The following DOCK9 variants were observed in gnomAD, a reference collection of about 807,000 sequenced individuals.
The protein encoded by DOCK9 is dedicator of cytokinesis protein 9.
In DOCK9, 89 loss-of-function variants were observed where a neutral mutation model predicts 263.3. That is an observed-to-expected ratio of 0.34 (90% CI 0.28 to 0.40). The LOEUF (loss-of-function observed/expected upper bound fraction) is 0.40, where lower values mean the gene tolerates loss of function less well. DOCK9 is among the 10% of genes least tolerant of loss of function. DOCK9 has a pLI of 1.00. For synonymous variants in DOCK9, 976 were observed against 973.1 expected (o/e 1.00, Z -0.06); for missense variants, 2,140 against 2,603.4 (o/e 0.82, Z 3.87).
At chr13:98,944,197 A>G (rs2056377421) in intron 2 of DOCK9, among the ~76,000 whole-genome samples, 1 of 152,320 alleles carries the variant, frequency 6.6e-6, no homozygotes. Context: ...GGGTTCATCA[A>G]TATCCTTCAT....
At chr13:99,050,713 A>T (rs2040652062) in intron 1 of DOCK9, among the ~76,000 whole-genome samples, 1 of 151,992 alleles carries the variant, frequency 6.6e-6, no homozygotes, top group African/African-American at 2.4e-5. Flanking sequence ...AAAAATAAAC[A>T]TGTCATAAGC....
chr13:98,863,066 G>A lies in DOCK9; in HGVS notation c.3532C>T (p.Arg1178Trp), dbSNP rs1185344656. ...LFGLLIENVQ[R>W]INVRDVSPFP... ...GGTGACACATCCCTCACATTGATCC[G>A]CTGGACGTTTTCAATCAGCAGACCA... Residue 1178 changes from arginine to tryptophan, a missense_variant, in exon 32 of 53, where the codon CGG (arginine) becomes TGG (tryptophan). Arg to Trp is a moderately radical substitution (Grantham distance 101). Transcript: ENST00000682017. The A allele has an allele frequency of 3.7e-6, 6 of 1,611,640 alleles. No individual in the cohort carries two copies. The highest frequency in any genetic ancestry group is 1.7e-4 in the Middle Eastern group (1 of 6,060).
rs115392412 is a variant in DOCK9 at position 98,804,023 on chromosome 13, G to A, written c.5725+976C>T. Among the ~76,000 whole-genome samples the A allele has an allele frequency of 5.7e-4, 86 of 151,140 alleles. 1 individual carries two copies. The highest frequency in any genetic ancestry group is 2.1e-3 in the African/African-American group (86 of 41,110). On this transcript the variant is annotated intron_variant, in intron 49 of 52. Coordinates refer to ENST00000682017, the MANE Select transcript of DOCK9 (RefSeq NM_001366683.2). ...CTCTTTTTAAAGCATACGCTTCGCC[G>A]GTGAGAGCTGATAAGCACCTGGGTG...
Position 98,944,553 on chromosome 13 carries a change from A to G in DOCK9, c.243+10882T>C, listed in dbSNP as rs148084381. 3.0e-3 allele frequency among the ~76,000 whole-genome samples: 456 copies of G among 152,298 alleles called. 2 individuals are homozygous for G. The highest frequency in any genetic ancestry group is 0.01 in the African/African-American group (429 of 41,572). On this transcript the variant is annotated intron_variant, in intron 2 of 52. Transcript: ENST00000682017. ...GAGTTCTCTGGCTCCTGAGGGCACC[A>G]TTACACTGTGTTCCATGTGTGTGTC...
chr13:99,044,152 T>A (rs1176774427), intron 1 of DOCK9, among the ~76,000 whole-genome samples: 1 of 152,218 alleles, frequency 6.6e-6, no homozygotes, highest in African/African-American at 2.4e-5. Flanking sequence ...CGCGACACTG[T>A]TGAATGCTCG....
intron 50 of DOCK9, among the ~76,000 whole-genome samples, chr13:98,798,179 G>T (rs2089666962): frequency 6.6e-6 from 1 of 152,214 alleles, no homozygotes; most frequent in African/African-American, 2.4e-5. Flanking sequence ...GACACACTGG[G>T]ATGGGAAGAA....
chr13:98,831,319 T>C lies in DOCK9; in HGVS notation c.4635+29A>G, dbSNP rs766220345. On this transcript the variant is annotated intron_variant, in intron 41 of 52. Coordinates refer to ENST00000682017, the MANE Select transcript of DOCK9 (RefSeq NM_001366683.2). ...ATACAGCAGGATTCTACAGAGTAAA[T>C]CTGTATTGGAAAGCTAAACCACACG... is the stretch of plus-strand genomic sequence containing the variant. The C allele has an allele frequency of 2.2e-5, 35 of 1,579,400 alleles. No homozygotes were observed. The East Asian group carries it at 7.3e-4, about 33-fold the overall frequency.
chr13:98,960,481 A>G (rs1279544845), intron 1 of DOCK9, among the ~76,000 whole-genome samples: 2 of 152,230 alleles, frequency 1.3e-5, no homozygotes, highest in Admixed American at 6.5e-5. Context: ...TAGAGGCTCA[A>G]GTCCTTATCT....
rs1303103989 is a variant in DOCK9 at position 98,918,858 on chromosome 13, C to T, written c.717+2096G>A. 3.9e-5 allele frequency among the ~76,000 whole-genome samples: 6 copies of T among 152,148 alleles called. 1 individual carries two copies. The highest frequency in any genetic ancestry group is 3.9e-4 in the Admixed American group (6 of 15,276). Reference sequence around the variant, plus strand: ...AGGAAACCCAACACAGGAAGGAAGACAGGCCGAATGTCTACATGGCAGGTG... The same window carrying T: ...AGGAAACCCAACACAGGAAGGAAGATAGGCCGAATGTCTACATGGCAGGTG... On this transcript the variant is annotated intron_variant, in intron 7 of 52. Coordinates refer to ENST00000682017, the MANE Select transcript of DOCK9 (RefSeq NM_001366683.2).
intron 33 of DOCK9, chr13:98,858,652 C>T (rs1459610383): frequency 6.6e-6 from 1 of 152,170 alleles, no homozygotes; most frequent in African/African-American, 2.4e-5. Context: ...TATAGATAAC[C>T]TGAGTATAAT....
At chr13:98,904,773 T>C in intron 9 of DOCK9, 67 bp from the exon 10 acceptor site, 18 of 1,387,536 alleles carry the variant, frequency 1.3e-5, no homozygotes, top group Non-Finnish European at 1.8e-5. Flanking sequence ...CCCAAATACA[T>C]TTAAAAGCTG....
chr13:98,829,851 G>C lies in DOCK9; in HGVS notation c.4636-95C>G, dbSNP rs1048724029. On this transcript the variant is annotated intron_variant, in intron 41 of 52. Transcript: ENST00000682017. This position sits in a 1 kb window ranked among gnomAD's most constrained non-coding sequence, Gnocchi z 4.1. ...CAGTTAGGATGTGCCTAAGGACCCA[G>C]CAAAGTGGGGGTTGGGGGGTGCTTT... 12 of 1,053,472 alleles carry C rather than the reference G, an allele frequency of 1.1e-5. No homozygotes were observed. Among genetic ancestry groups the C allele is most frequent in the Non-Finnish European group, 1.6e-5 (11 of 701,660 alleles). 65.3% of individuals were successfully genotyped at this position (1,053,472 alleles called of 1,614,324 possible).
At chr13:98,853,849 C>G (rs949559811) in intron 34 of DOCK9, among the ~76,000 whole-genome samples, 2 of 152,156 alleles carry the variant, frequency 1.3e-5, no homozygotes, top group Non-Finnish European at 2.9e-5. Context: ...AAACCTCATG[C>G]AAGAAAGTAT....
At chr13:98,803,404 T>C (rs1216381967) in intron 49 of DOCK9, among the ~76,000 whole-genome samples, 1 of 152,246 alleles carries the variant, frequency 6.6e-6, no homozygotes, top group Admixed American at 6.5e-5. Flanking sequence ...ACTAGGTTTA[T>C]TAAAGGCAGC....
intron 1 of DOCK9, among the ~76,000 whole-genome samples, chr13:99,061,085 A>C (rs781159318): frequency 2.4e-4 from 36 of 152,216 alleles, no homozygotes; most frequent in Non-Finnish European, 1.2e-4. Flanking sequence ...TTGCCTTTTA[A>C]GGATCTCTCA....
chr13:98,924,575 C>G (rs1298477157), intron 4 of DOCK9, among the ~76,000 whole-genome samples: 3 of 152,088 alleles, frequency 2.0e-5, no homozygotes, highest in Non-Finnish European at 2.9e-5. Context: ...ATAATTGGGC[C>G]TAGTGGGTTA....
At chr13:98,845,902 G>A (rs1402783625) in intron 38 of DOCK9, 22 bp downstream of exon 38, 19 of 1,611,734 alleles carry the variant, frequency 1.2e-5, no homozygotes, top group Non-Finnish European at 1.5e-5. Context: ...TGGCTGTTAC[G>A]ATGGCATGTC....
upstream of DOCK9, chr13:99,088,422 C>T (rs1726347124): frequency 6.6e-6 from 1 of 152,070 alleles, no homozygotes; most frequent in Admixed American, 6.6e-5. Flanking sequence ...AGGAGTGTGG[C>T]CGTTCAGTTC....
intron 1 of DOCK9, among the ~76,000 whole-genome samples, chr13:99,073,998 G>A (rs1347342063): frequency 6.6e-6 from 1 of 152,152 alleles, no homozygotes; most frequent in African/African-American, 2.4e-5. Context: ...GTCATATAAT[G>A]ACTTCACCTT....
Sources: allele counts gnomAD v4.1 joint callset (sites outside exome capture counted in the v4.1 genomes callset), GRCh38; gene constraint gnomAD v4.1.1; non-coding constraint Gnocchi (gnomAD v3.1); transcripts MANE v1.5; gene names NCBI Gene and HGNC (gene_info 2026-07-23, HGNC 2026-07-21).